PIP4K2A: variants seen among roughly 807,000 people sequenced by gnomAD.
The protein encoded by PIP4K2A is phosphatidylinositol 5-phosphate 4-kinase type-2 alpha.
Under a neutral mutation model 42.9 loss-of-function variants are expected in PIP4K2A, and 14 were observed. The observed-to-expected ratio is 0.33, with a 90% CI of 0.22 to 0.51. The LOEUF (loss-of-function observed/expected upper bound fraction) is 0.51, where lower values mean the gene tolerates loss of function less well. Among genes scored for constraint, PIP4K2A ranks in the 20% least tolerant of loss-of-function variants. PIP4K2A has a pLI of 0.97. For missense variants in PIP4K2A, 434 were observed against 519.8 expected, an observed-to-expected ratio of 0.83 and a Z score of 1.61; for synonymous variants, 192 against 192.2, an observed-to-expected ratio of 1.00 and a Z score of 0.01.
In PIP4K2A at chr10:22,536,235, T is replaced by C; in HGVS notation, c.*966A>G. ...CAGGAGAATTGAGAGTTTTGATGCT[T>C]TGCTGGTTTTCCCACAGTGGGAGAT... On this transcript the variant is annotated 3_prime_UTR_variant, in exon 10 of 10. Coordinates refer to ENST00000376573, the MANE Select transcript of PIP4K2A (RefSeq NM_005028.5). 1 of 397,546 alleles carries C rather than the reference T, an allele frequency of 2.5e-6. No individual in the cohort carries two copies. Among genetic ancestry groups the C allele is most frequent in the Non-Finnish European group, 4.4e-6 (1 of 225,598 alleles). 24.6% of individuals were successfully genotyped at this position (397,546 alleles called of 1,614,324 possible).
At chr10:22,696,008 T>C (rs1398911477) in intron 1 of PIP4K2A, among the ~76,000 whole-genome samples, 1 of 152,126 alleles carries the variant, frequency 6.6e-6, no homozygotes, top group East Asian at 1.9e-4. Context: ...GCATGCGCAA[T>C]ATTTTTGTAA....
intron 4 of PIP4K2A, among the ~76,000 whole-genome samples, chr10:22,587,688 T>C (rs1205277713): frequency 6.6e-6 from 1 of 152,046 alleles, no homozygotes; most frequent in African/African-American, 2.4e-5. Flanking sequence ...GTAATATTCA[T>C]CAAAATCTCG....
chr10:22,671,359 T>C (rs1839445449), intron 1 of PIP4K2A, among the ~76,000 whole-genome samples: 1 of 152,182 alleles, frequency 6.6e-6, no homozygotes, highest in Admixed American at 6.5e-5. Context: ...AGAGTACACC[T>C]GATGAATTTT....
intron 1 of PIP4K2A, among the ~76,000 whole-genome samples, chr10:22,660,963 T>C (rs1393566724): frequency 6.6e-6 from 1 of 152,198 alleles, no homozygotes; most frequent in Non-Finnish European, 1.5e-5. Flanking sequence ...GGTTCATCAA[T>C]TGTAACAAAC....
intron 1 of PIP4K2A, among the ~76,000 whole-genome samples, chr10:22,672,441 CCACTT>C (rs1839474182): frequency 6.6e-6 from 1 of 152,048 alleles, no homozygotes; most frequent in African/African-American, 2.4e-5. Flanking sequence ...GATAACACGC[CCACTT>C]CAGTTTCTGA....
chr10:22,547,131 A>C (rs935234188), intron 7 of PIP4K2A, among the ~76,000 whole-genome samples: 1 of 152,164 alleles, frequency 6.6e-6, no homozygotes, highest in African/African-American at 2.4e-5. Context: ...AATGGTTCTC[A>C]ACTGATTTAT....
At chr10:22,712,920 GTGTGTGTGTGTGTGTGTGTGTC>G (rs1483898069) in intron 1 of PIP4K2A, among the ~76,000 whole-genome samples, 2 of 151,498 alleles carry the variant, frequency 1.3e-5, no homozygotes, top group African/African-American at 4.9e-5. Flanking sequence ...GAGGGTGTGT[GTGTGTGTGTGTGTGTGTGTGTC>G]TGTGTGTGTG....
At chr10:22,686,029 C>T (rs1245848738) in intron 1 of PIP4K2A, among the ~76,000 whole-genome samples, 2 of 152,196 alleles carry the variant, frequency 1.3e-5, no homozygotes, top group Admixed American at 6.5e-5. Flanking sequence ...AGGCAGGGAT[C>T]GAGTAATACT....
At chr10:22,650,244 G>C (rs1017740742) in intron 1 of PIP4K2A, among the ~76,000 whole-genome samples, 1 of 152,060 alleles carries the variant, frequency 6.6e-6, no homozygotes, top group East Asian at 1.9e-4. Context: ...ATCACTTACC[G>C]TTTTTTAGCC....
intron 4 of PIP4K2A, among the ~76,000 whole-genome samples, chr10:22,587,438 AATG>A (rs2130815960): frequency 6.6e-6 from 1 of 152,344 alleles, no homozygotes; most frequent in South Asian, 2.1e-4. Context: ...AAACAGAAGA[AATG>A]ATGATCACTA....
At chr10:22,583,364 A>G (rs1184751621) in intron 4 of PIP4K2A, among the ~76,000 whole-genome samples, 2 of 152,048 alleles carry the variant, frequency 1.3e-5, no homozygotes, top group African/African-American at 4.8e-5. Flanking sequence ...CCCACACACA[A>G]TGGGGAGCTG....
At chr10:22,600,026 G>A (rs891078773) in intron 3 of PIP4K2A, among the ~76,000 whole-genome samples, 4 of 152,162 alleles carry the variant, frequency 2.6e-5, no homozygotes, top group Admixed American at 1.3e-4. Flanking sequence ...CCCAGAAGGG[G>A]GAAGGAAACA....
At chr10:22,598,114 T>C (rs1837673443) in intron 3 of PIP4K2A, among the ~76,000 whole-genome samples, 1 of 152,158 alleles carries the variant, frequency 6.6e-6, no homozygotes, top group South Asian at 2.1e-4. Flanking sequence ...TCCTAGCACT[T>C]TTGGAGGCTG....
Position 22,565,324 on chromosome 10 carries a change from G to A in PIP4K2A, c.678+2527C>T, listed in dbSNP as rs188148797. Among the ~76,000 whole-genome samples, 6 of 152,304 alleles carry A rather than the reference G, an allele frequency of 3.9e-5. No homozygotes were observed. The East Asian group carries it at 5.8e-4, about 15-fold the overall frequency. ...GTCAGGGACCCCAAACGGAGGGACC[G>A]GCTAAAGCCATGACAGAAGAACGTG... On this transcript the variant is annotated intron_variant, in intron 6 of 9. Transcript: ENST00000376573.
Position 22,664,212 on chromosome 10 carries a change from T to C in PIP4K2A, c.144+49971A>G, listed in dbSNP as rs1264433844. On this transcript the variant is annotated intron_variant, in intron 1 of 9. Transcript: ENST00000376573. The stretch of plus-strand genomic sequence containing the variant: ...ATATACATATATATATACATATATA[T>C]ATATACATATATATATACACACACA... Among the ~76,000 whole-genome samples the C allele has an allele frequency of 7.2e-4, 37 of 51,602 alleles. 1 individual carries two copies. The highest frequency in any genetic ancestry group is 1.1e-3 in the Non-Finnish European group (34 of 30,660). 33.9% of individuals were successfully genotyped at this position (51,602 alleles called of 152,430 possible).
intron 1 of PIP4K2A, among the ~76,000 whole-genome samples, chr10:22,673,597 T>C (rs747594795): frequency 1.4e-4 from 22 of 152,132 alleles, no homozygotes; most frequent in Admixed American, 4.6e-4. Flanking sequence ...AACTTCCTGT[T>C]CTGCTCCTGC....
intron 1 of PIP4K2A, among the ~76,000 whole-genome samples, chr10:22,701,665 G>T (rs1158085197): frequency 6.6e-6 from 1 of 152,194 alleles, no homozygotes; most frequent in Non-Finnish European, 1.5e-5. Flanking sequence ...CATTTCTGCT[G>T]ACAGGGTTAT....
Sources: gnomAD v4.1 joint callset for allele counts (sites outside exome capture counted in the v4.1 genomes callset) on GRCh38, gnomAD v4.1.1 for gene constraint, MANE v1.5 for transcripts, NCBI Gene and HGNC (gene_info 2026-07-23, HGNC 2026-07-21) for gene names.